The following ZNF892 variants were observed in gnomAD, a reference collection of about 807,000 sequenced individuals.
ZNF892 encodes zinc finger protein 570-like.
chr2:95,210,837 T>G, the ZNF892 span, among the ~76,000 whole-genome samples: 1 of 152,092 alleles, frequency 6.6e-6, no homozygotes, highest in East Asian at 1.9e-4. Context: ...GTGTTCTAAC[T>G]AGAGAGTCAG....
At chr2:95,213,756 G>A in the ZNF892 span, among the ~76,000 whole-genome samples, 1 of 152,172 alleles carries the variant, frequency 6.6e-6, no homozygotes, top group Admixed American at 6.5e-5. Context: ...TCTAGAATTT[G>A]TGTCTTATCT....
the ZNF892 span, among the ~76,000 whole-genome samples, chr2:95,230,979 G>T: frequency 6.6e-6 from 1 of 152,168 alleles, no homozygotes; most frequent in South Asian, 2.1e-4. Flanking sequence ...TATAAGGAAG[G>T]TCTCACACTA....
chr2:95,257,325 T>A, the ZNF892 span, among the ~76,000 whole-genome samples: 24 of 152,232 alleles, frequency 1.6e-4, no homozygotes, highest in Non-Finnish European at 2.5e-4. Flanking sequence ...TGGAGTTTGC[T>A]GGAGGTCTAC....
chr2:95,249,066 G>A, the ZNF892 span, among the ~76,000 whole-genome samples: 10 of 151,626 alleles, frequency 6.6e-5, no homozygotes, highest in Admixed American at 3.9e-4. Flanking sequence ...GCAGGGACCT[G>A]TCACAGCATC....
At chr2:95,210,773 T>C in the ZNF892 span, among the ~76,000 whole-genome samples, 10 of 152,220 alleles carry the variant, frequency 6.6e-5, no homozygotes, top group Non-Finnish European at 1.2e-4. Context: ...GTGGAGCTTA[T>C]GTTAGCCACA....
the ZNF892 span, among the ~76,000 whole-genome samples, chr2:95,217,241 TA>T: frequency 6.6e-6 from 1 of 152,210 alleles, no homozygotes; most frequent in Non-Finnish European, 1.5e-5. Flanking sequence ...TTACCTCATT[TA>T]ACCCTAATTA....
the ZNF892 span, among the ~76,000 whole-genome samples, chr2:95,256,780 A>G: frequency 1.1e-4 from 16 of 151,510 alleles, no homozygotes; most frequent in African/African-American, 3.9e-4. Flanking sequence ...TCTTTTTATT[A>G]TTTTTTCTCT....
chr2:95,224,425 G>A, the ZNF892 span, among the ~76,000 whole-genome samples: 1 of 152,106 alleles, frequency 6.6e-6, no homozygotes, highest in Non-Finnish European at 1.5e-5. Flanking sequence ...ATTGGCTCAC[G>A]GTTCCACAGG....
the ZNF892 span, among the ~76,000 whole-genome samples, chr2:95,256,626 T>G: frequency 6.6e-6 from 1 of 152,244 alleles, no homozygotes; most frequent in Admixed American, 6.5e-5. Flanking sequence ...CCTGCCTTGC[T>G]AGACTGGGGA....
At chr2:95,210,667 T>G in the ZNF892 span, among the ~76,000 whole-genome samples, 1 of 152,200 alleles carries the variant, frequency 6.6e-6, no homozygotes, top group Non-Finnish European at 1.5e-5. Flanking sequence ...CTTCCTTTCT[T>G]TCATTCAAAT....
At chr2:95,246,813 G>T in the ZNF892 span, among the ~76,000 whole-genome samples, 1 of 152,062 alleles carries the variant, frequency 6.6e-6, no homozygotes, top group Non-Finnish European at 1.5e-5. Context: ...GGAAGTGAAG[G>T]TCCTCTTCAA....
the ZNF892 span, among the ~76,000 whole-genome samples, chr2:95,261,828 C>T: frequency 2.6e-5 from 4 of 152,140 alleles, no homozygotes; most frequent in South Asian, 2.1e-4. Flanking sequence ...GCAGAAGTCC[C>T]GGGAGTTCCT....
At chr2:95,233,672 C>CAAAAA in the ZNF892 span, among the ~76,000 whole-genome samples, 15 of 35,162 alleles carry the variant, frequency 4.3e-4, no homozygotes, top group African/African-American at 1.3e-3. Flanking sequence ...GACTCCATCT[C>CAAAAA]AAAAAAAAAA....
chr2:95,259,428 G>A, the ZNF892 span: 1 of 152,510 alleles, frequency 6.6e-6, no homozygotes, highest in African/African-American at 2.4e-5. Flanking sequence ...TGCTGCTTCA[G>A]GGTCTCCCCC....
chr2:95,248,097 T>A, the ZNF892 span, among the ~76,000 whole-genome samples: 1 of 152,290 alleles, frequency 6.6e-6, no homozygotes, highest in East Asian at 1.9e-4. Context: ...TAGGTGCCTA[T>A]CAACAGTGGA....
chr2:95,237,512 C>T, the ZNF892 span, among the ~76,000 whole-genome samples: 1 of 152,170 alleles, frequency 6.6e-6, no homozygotes, highest in African/African-American at 2.4e-5. Flanking sequence ...TTCCTAGGGC[C>T]TCCCTATTTC....
the ZNF892 span, among the ~76,000 whole-genome samples, chr2:95,256,745 A>G: frequency 3.4e-4 from 52 of 152,246 alleles, no homozygotes; most frequent in African/African-American, 1.2e-3. Context: ...ACATAGTCCC[A>G]TATTTCTTGG....
the ZNF892 span, among the ~76,000 whole-genome samples, chr2:95,240,771 A>G: frequency 9.3e-4 from 142 of 152,226 alleles, no homozygotes; most frequent in Non-Finnish European, 1.8e-3. Flanking sequence ...CAGAGTTCCC[A>G]GGGGCGGGGC....
chr2:95,207,718 G>A, the ZNF892 span: 2 of 397,978 alleles, frequency 5.0e-6, no homozygotes, highest in African/African-American at 4.1e-5. Context: ...GGCTGCCCAC[G>A]CGTGCGTTCC....
Sources: allele counts gnomAD v4.1 joint callset (sites outside exome capture counted in the v4.1 genomes callset), GRCh38; gene constraint gnomAD v4.1.1; transcripts MANE v1.5; gene names NCBI Gene and HGNC (gene_info 2026-07-23, HGNC 2026-07-21).